The following DISC1 variants were observed in gnomAD, a reference collection of about 807,000 sequenced individuals.
DISC1 encodes DISC1 scaffold protein.
Under a neutral mutation model 84.5 loss-of-function variants are expected in DISC1, and 57 were observed. The ratio of observed to expected loss-of-function variants is 0.67; its 90% CI spans 0.55 to 0.84. The LOEUF (loss-of-function observed/expected upper bound fraction) is 0.84, where lower values mean the gene tolerates loss of function less well. Among genes scored for constraint, DISC1 ranks in the 40% least tolerant of loss-of-function variants. The pLI, the probability that DISC1 is intolerant of heterozygous loss-of-function variation, is 0.00. For missense variants in DISC1, 1,000 were observed against 1,057.8 expected (o/e 0.95, Z 0.76); for synonymous variants, 411 against 415.2 (o/e 0.99, Z 0.12).
chr1:231,800,250 A>G (rs2079122954), intron 8 of DISC1, 40 bp downstream of exon 8: 14 of 1,444,510 alleles, frequency 9.7e-6, no homozygotes, highest in Non-Finnish European at 1.3e-5. Context: ...TATCCAACTA[A>G]AATAATGACA....
intron 9 of DISC1, among the ~76,000 whole-genome samples, chr1:231,907,539 G>T (rs868349019): frequency 6.0e-4 from 92 of 152,304 alleles, no homozygotes; most frequent in South Asian, 2.5e-3. Flanking sequence ...GTATTCCATA[G>T]TGTATATGTG....
At chr1:231,854,922 AC>A in intron 9 of DISC1, 1 of 603,144 alleles carries the variant, frequency 1.7e-6, no homozygotes. Context: ...TACCATGTTG[AC>A]CAGACTGGTC....
intron 6 of DISC1, among the ~76,000 whole-genome samples, chr1:231,785,536 T>C (rs2077785732): frequency 6.6e-6 from 1 of 152,020 alleles, no homozygotes; most frequent in Non-Finnish European, 1.5e-5. Flanking sequence ...TCAAGTGATC[T>C]GCCCATCTTG....
At chr1:231,786,607 T>C (rs1360640608) in intron 6 of DISC1, among the ~76,000 whole-genome samples, 1 of 152,200 alleles carries the variant, frequency 6.6e-6, no homozygotes, top group East Asian at 1.9e-4. Context: ...AGGTGGTTTC[T>C]TTAGGATATA....
intron 4 of DISC1, 29 bp from the exon 5 acceptor site, chr1:231,767,111 C>T: frequency 6.2e-7 from 1 of 1,612,560 alleles, no homozygotes; most frequent in African/African-American, 1.3e-5. Flanking sequence ...TTCTGCATAC[C>T]TGTACCAATA....
chr1:232,038,807 G>C lies in DISC1; in HGVS notation c.*1976G>C, dbSNP rs1371723912. The C allele has an allele frequency of 6.6e-6, 1 of 152,160 alleles. No individual in the cohort carries two copies. Among genetic ancestry groups the C allele is most frequent in the Non-Finnish European group, 1.5e-5 (1 of 68,038 alleles). The allele number at this position is 152,160 out of a possible 1,614,324, so 9.4% of individuals were successfully genotyped here. On this transcript the variant is annotated 3_prime_UTR_variant, in exon 13 of 13. Coordinates refer to ENST00000439617, the MANE Select transcript of DISC1 (RefSeq NM_018662.3). ...CATTTATGTGTTTAGGGATAGTGAG[G>C]TTCCTGCCTTCACTAGGATCCACGG...
chr1:231,646,532 A>G (rs2060149570), intron 1 of DISC1, among the ~76,000 whole-genome samples: 1 of 152,142 alleles, frequency 6.6e-6, no homozygotes, highest in Admixed American at 6.6e-5. Flanking sequence ...CAATTTTGCT[A>G]TTGCCCCAAT....
chr1:231,805,352 A>G (rs541483821), intron 8 of DISC1, among the ~76,000 whole-genome samples: 6 of 152,192 alleles, frequency 3.9e-5, no homozygotes, highest in Non-Finnish European at 7.3e-5. Flanking sequence ...AGGAGGTTTA[A>G]TTGGCTTATG....
At chr1:231,653,399 C>T (rs1212830813) in intron 1 of DISC1, among the ~76,000 whole-genome samples, 2 of 152,184 alleles carry the variant, frequency 1.3e-5, no homozygotes, top group African/African-American at 4.8e-5. Flanking sequence ...CAAGGTTGCC[C>T]TGGCCCTTGC....
At chr1:231,929,597 G>C (rs894020357) in intron 9 of DISC1, among the ~76,000 whole-genome samples, 6 of 152,180 alleles carry the variant, frequency 3.9e-5, no homozygotes, top group African/African-American at 1.4e-4. Flanking sequence ...CAAGTCATCA[G>C]CCTTTCTTGG....
intron 4 of DISC1, among the ~76,000 whole-genome samples, chr1:231,763,118 T>A (rs567450677): frequency 6.6e-6 from 1 of 152,250 alleles, no homozygotes; most frequent in East Asian, 1.9e-4. Flanking sequence ...TGGAAGTTCC[T>A]GGGCTTGCTG....
chr1:231,963,307 T>C (rs1011780662), intron 10 of DISC1, among the ~76,000 whole-genome samples: 20 of 152,170 alleles, frequency 1.3e-4, no homozygotes, highest in African/African-American at 4.8e-4. Flanking sequence ...TTAAGGAGTA[T>C]CATCCAGAGA....
rs114435596 is a variant in DISC1, at chr1:231,892,435, A to G, written c.1982-66393A>G. On this transcript the variant is annotated intron_variant, in intron 9 of 12. Transcript: ENST00000439617. ...CCCTCACTTATAAACTGTGTCCTTG[A>G]GTAAACTGCTGAACCCTGTGGTGCC... 2.1e-3 allele frequency among the ~76,000 whole-genome samples: 314 copies of G among 152,308 alleles called. 3 individuals are homozygous for G. The highest frequency in any genetic ancestry group is 7.0e-3 in the African/African-American group (292 of 41,556).
chr1:231,670,540 G>A (rs4366301), intron 1 of DISC1: 1 of 152,102 alleles, frequency 6.6e-6, no homozygotes, highest in South Asian at 2.1e-4. Flanking sequence ...TTTGGTAAAC[G>A]AGGAAGTGCT....
intron 1 of DISC1, among the ~76,000 whole-genome samples, chr1:231,668,084 T>A (rs1417431959): frequency 2.0e-5 from 3 of 151,702 alleles, no homozygotes; most frequent in Non-Finnish European, 2.9e-5. Context: ...GCATACTTAA[T>A]ACATACATCT....
intron 6 of DISC1, among the ~76,000 whole-genome samples, chr1:231,779,874 G>C (rs1234320943): frequency 6.6e-6 from 1 of 152,040 alleles, no homozygotes; most frequent in African/African-American, 2.4e-5. Context: ...AACCTATTCT[G>C]TGTAAATTCC....
intron 12 of DISC1, among the ~76,000 whole-genome samples, chr1:232,028,672 A>G (rs981201500): frequency 1.3e-4 from 20 of 152,188 alleles, no homozygotes; most frequent in Non-Finnish European, 2.8e-4. Flanking sequence ...TAATATAGCC[A>G]TGGGTAAGTG....
At chr1:231,832,004 G>C (rs1190703755) in intron 9 of DISC1, among the ~76,000 whole-genome samples, 1 of 151,268 alleles carries the variant, frequency 6.6e-6, no homozygotes, top group East Asian at 1.9e-4. Flanking sequence ...AGGAAATATG[G>C]GGAAATGGGG....
chr1:231,873,852 T>TTG (rs1290500457), intron 9 of DISC1, among the ~76,000 whole-genome samples: 1 of 151,456 alleles, frequency 6.6e-6, no homozygotes, highest in Non-Finnish European at 1.5e-5. Flanking sequence ...TAAATAATTT[T>TTG]TTTTTTTGAG....
Sources: allele counts gnomAD v4.1 joint callset (sites outside exome capture counted in the v4.1 genomes callset), GRCh38; gene constraint gnomAD v4.1.1; transcripts MANE v1.5; gene names NCBI Gene and HGNC (gene_info 2026-07-23, HGNC 2026-07-21).